L3MBTL4: variants seen among roughly 807,000 people sequenced by gnomAD.
L3MBTL4 encodes the protein L3MBTL histone methyl-lysine binding protein 4, also known as lethal(3)malignant brain tumor-like protein 4.
A neutral mutation model predicts 84.5 loss-of-function variants in L3MBTL4; 70 were observed. The ratio of observed to expected loss-of-function variants is 0.83; its 90% CI spans 0.68 to 1.01. L3MBTL4 has a LOEUF of 1.01. L3MBTL4 is among the 50% of genes least tolerant of loss of function. L3MBTL4 has a pLI of 0.00. For synonymous variants in L3MBTL4, 274 were observed against 259.8 expected, an observed-to-expected ratio of 1.05 and a Z score of -0.52; for missense variants, 715 against 754.8, an observed-to-expected ratio of 0.95 and a Z score of 0.62.
chr18:6,401,792 T>C (rs1001796620), intron 1 of L3MBTL4, among the ~76,000 whole-genome samples: 1 of 152,134 alleles, frequency 6.6e-6, no homozygotes, highest in African/African-American at 2.4e-5. Context: ...CAGGCTAACG[T>C]GGGCACAAAG....
At chr18:6,349,456 C>T (rs1055291374) in intron 1 of L3MBTL4, among the ~76,000 whole-genome samples, 8 of 152,134 alleles carry the variant, frequency 5.3e-5, no homozygotes, top group African/African-American at 1.4e-4. Context: ...TGGCTTGGTG[C>T]GGTGACTCAT....
intron 16 of L3MBTL4, among the ~76,000 whole-genome samples, chr18:5,992,611 G>A (rs2053755581): frequency 6.6e-6 from 1 of 152,170 alleles, no homozygotes; most frequent in Non-Finnish European, 1.5e-5. Flanking sequence ...TATGGAGGAA[G>A]ATCCCTCATG....
rs557141336 is a variant in L3MBTL4 at position 6,147,406 on chromosome 18, T to C, written c.1097-9110A>G. On this transcript the variant is annotated intron_variant, in intron 13 of 18. Coordinates refer to ENST00000317931, the MANE Select transcript of L3MBTL4 (RefSeq NM_001330559.2). ...AAGAAAATAATATAACCAAACACCA[T>C]GTTTGCTTGTACCTGGGTTTCAGGA... 8.6e-4 allele frequency among the ~76,000 whole-genome samples: 131 copies of C among 152,230 alleles called. 1 individual carries two copies. Among genetic ancestry groups the C allele is most frequent in the Non-Finnish European group, 9.7e-4 (66 of 68,012 alleles).
intron 17 of L3MBTL4, among the ~76,000 whole-genome samples, chr18:5,964,203 G>C (rs932477522): frequency 6.6e-6 from 1 of 152,250 alleles, no homozygotes; most frequent in East Asian, 1.9e-4. Flanking sequence ...CACTGAGAAA[G>C]TTAATTCTAA....
At chr18:6,163,226 G>T (rs1157499936) in intron 13 of L3MBTL4, among the ~76,000 whole-genome samples, 1 of 142,886 alleles carries the variant, frequency 7.0e-6, no homozygotes, top group Non-Finnish European at 1.5e-5. Context: ...CGGTTTTGGA[G>T]TAGGGGTGTG....
chr18:6,221,794 G>C (rs1272496620), intron 10 of L3MBTL4, among the ~76,000 whole-genome samples: 1 of 152,126 alleles, frequency 6.6e-6, no homozygotes, highest in Non-Finnish European at 1.5e-5. Flanking sequence ...TTATTCATTT[G>C]TTTCAAGTGT....
intron 12 of L3MBTL4, among the ~76,000 whole-genome samples, chr18:6,207,330 T>C (rs1461712550): frequency 6.6e-6 from 1 of 152,174 alleles, no homozygotes; most frequent in South Asian, 2.1e-4. Flanking sequence ...GGCCAACTGG[T>C]TCCCACCTGG....
At chr18:6,357,666 A>G (rs2053506034) in intron 1 of L3MBTL4, among the ~76,000 whole-genome samples, 1 of 152,210 alleles carries the variant, frequency 6.6e-6, no homozygotes, top group Non-Finnish European at 1.5e-5. Context: ...AATTGTCACC[A>G]TCAAGACTTT....
chr18:6,035,233 T>C (rs1260243527), intron 16 of L3MBTL4, among the ~76,000 whole-genome samples: 1 of 151,724 alleles, frequency 6.6e-6, no homozygotes, highest in African/African-American at 2.4e-5. Flanking sequence ...CATGCCTATG[T>C]CCTGAATGGT....
At chr18:6,401,702 G>A (rs1195286884) in intron 1 of L3MBTL4, among the ~76,000 whole-genome samples, 1 of 152,220 alleles carries the variant, frequency 6.6e-6, no homozygotes, top group Non-Finnish European at 1.5e-5. Context: ...AGTGCGCCCT[G>A]TGCACACCCA....
chr18:6,214,426 A>G (rs1392587675), intron 11 of L3MBTL4, among the ~76,000 whole-genome samples: 1 of 152,246 alleles, frequency 6.6e-6, no homozygotes, highest in Non-Finnish European at 1.5e-5. Flanking sequence ...TAGTTTCTAT[A>G]GGTTGGCAAA....
chr18:6,307,917 T>C (rs1170815504), intron 3 of L3MBTL4, among the ~76,000 whole-genome samples: 1 of 152,220 alleles, frequency 6.6e-6, no homozygotes, highest in Non-Finnish European at 1.5e-5. Flanking sequence ...CTTTTTCTTT[T>C]GTGAAACTTG....
intron 16 of L3MBTL4, among the ~76,000 whole-genome samples, chr18:6,019,062 T>G (rs2055131496): frequency 6.6e-6 from 1 of 152,240 alleles, no homozygotes; most frequent in African/African-American, 2.4e-5. Context: ...GGGAGATGCA[T>G]GGATATTACC....
chr18:6,369,578 G>A (rs560997490), intron 1 of L3MBTL4, among the ~76,000 whole-genome samples: 5 of 152,200 alleles, frequency 3.3e-5, no homozygotes, highest in Admixed American at 6.5e-5. Context: ...TCAGATACAC[G>A]GAAGGCAATT....
intron 12 of L3MBTL4, among the ~76,000 whole-genome samples, chr18:6,196,306 C>A (rs533140006): frequency 1.2e-4 from 18 of 151,954 alleles, no homozygotes; most frequent in Admixed American, 1.0e-3. Context: ...TACAGGCGCC[C>A]GCCACCACGC....
At chr18:6,195,016 CA>C (rs2045311293) in intron 12 of L3MBTL4, among the ~76,000 whole-genome samples, 1 of 152,234 alleles carries the variant, frequency 6.6e-6, no homozygotes, top group South Asian at 2.1e-4. Flanking sequence ...CCTTTTTCCT[CA>C]CCTGTAGAAT....
intron 1 of L3MBTL4, among the ~76,000 whole-genome samples, chr18:6,355,220 G>A (rs1599755242): frequency 6.6e-6 from 1 of 152,160 alleles, no homozygotes; most frequent in African/African-American, 2.4e-5. Flanking sequence ...ATAAATGCTT[G>A]AGAGCACAGA....
At chr18:6,301,983 A>G in intron 3 of L3MBTL4, 26 bp from the exon 4 acceptor site, 2 of 1,572,446 alleles carry the variant, frequency 1.3e-6, no homozygotes, top group South Asian at 2.2e-5. Flanking sequence ...TGGTGTTTAG[A>G]TGGTATTGCT....
At position 6,182,000 on chromosome 18, in the gene L3MBTL4, G is replaced by A. The variant is rs115777593; in HGVS notation, c.982-10058C>T. Among the ~76,000 whole-genome samples, 690 of 152,210 alleles carry A rather than the reference G, an allele frequency of 4.5e-3. 6 individuals are homozygous for A. Among genetic ancestry groups the A allele is most frequent in the African/African-American group, 0.016 (666 of 41,542 alleles). The stretch of plus-strand genomic sequence containing the variant: ...CTTGCATGTGTCTTTATGGTAGAAC[G>A]ATTTATATTCCCCCAATAATGGGAC... On this transcript the variant is annotated intron_variant, in intron 12 of 18. Transcript: ENST00000317931.
Sources: allele counts gnomAD v4.1 joint callset (sites outside exome capture counted in the v4.1 genomes callset), GRCh38; gene constraint gnomAD v4.1.1; transcripts MANE v1.5; gene names NCBI Gene and HGNC (gene_info 2026-07-23, HGNC 2026-07-21).